Variants in MPP7 observed in about 807,000 individuals in gnomAD.
MPP7 encodes MAGUK p55 subfamily member 7.
In MPP7, 60 loss-of-function variants were observed where a neutral mutation model predicts 76.5. That is an observed-to-expected ratio of 0.78 (90% CI 0.64 to 0.97). The LOEUF (loss-of-function observed/expected upper bound fraction) is 0.97. Ranked by LOEUF, MPP7 falls within the 50% of genes least tolerant of loss-of-function variation. The pLI is 0.00. For synonymous variants in MPP7, 237 were observed against 244.5 expected (o/e 0.97, Z 0.29); for missense variants, 641 against 694.0 (o/e 0.92, Z 0.86).
chr10:28,238,459 A>C (rs1057426714), intron 2 of MPP7, 109 bp downstream of exon 2: 4 of 1,206,464 alleles, frequency 3.3e-6, no homozygotes, highest in African/African-American at 1.5e-5. Context: ...TGTTGGTGAC[A>C]GAAAAACAAG....
chr10:28,292,022 G>A (rs1211065463), intron 1 of MPP7, among the ~76,000 whole-genome samples: 2 of 152,166 alleles, frequency 1.3e-5, no homozygotes, highest in African/African-American at 2.4e-5. Flanking sequence ...CGTGTCCCAT[G>A]CAGGTGGACC....
intron 2 of MPP7, among the ~76,000 whole-genome samples, chr10:28,319,811 A>G (rs1208736154): frequency 6.6e-6 from 1 of 152,010 alleles, no homozygotes; most frequent in Non-Finnish European, 1.5e-5. Context: ...CCCCATCTAT[A>G]CTAAAATACA....
chr10:28,083,257 C>T (rs946515934), intron 12 of MPP7, among the ~76,000 whole-genome samples: 2 of 152,112 alleles, frequency 1.3e-5, no homozygotes, highest in African/African-American at 4.8e-5. Context: ...GTAAGGAATA[C>T]AAAGAAGAAA....
chr10:28,064,425 G>A lies in MPP7; in HGVS notation c.1205-4682C>T, dbSNP rs547674500. ...TCCAAATAATCTATTGTGACAGAAC[G>A]CAGATCAGTGTTGCCTGGGAACAGG... is the stretch of plus-strand genomic sequence containing the variant. On this transcript the variant is annotated intron_variant, in intron 13 of 16. Coordinates refer to ENST00000683449, the MANE Select transcript of MPP7 (RefSeq NM_001318170.2). 6.6e-5 allele frequency among the ~76,000 whole-genome samples: 10 copies of A among 152,292 alleles called. No homozygotes were observed. The East Asian group carries it at 1.2e-3, about 18-fold the overall frequency.
At chr10:28,141,135 A>G (rs1459239502) in intron 5 of MPP7, among the ~76,000 whole-genome samples, 4 of 152,102 alleles carry the variant, frequency 2.6e-5, no homozygotes, top group African/African-American at 4.8e-5. Context: ...CAACTAAAAA[A>G]GTTTCTATGA....
At chr10:28,139,196 G>A (rs946099705) in intron 5 of MPP7, among the ~76,000 whole-genome samples, 11 of 152,240 alleles carry the variant, frequency 7.2e-5, no homozygotes, top group Admixed American at 4.6e-4. Flanking sequence ...TTATTGGGTA[G>A]AAAGAGCATG....
rs563303705 is a variant in MPP7 at position 28,227,846 on chromosome 10, T to C, written c.37+10722A>G. Among the ~76,000 whole-genome samples, 3 of 152,292 alleles carry C rather than the reference T, an allele frequency of 2.0e-5. No homozygotes were observed. The South Asian group carries it at 6.2e-4, about 32-fold the overall frequency. On this transcript the variant is annotated intron_variant, in intron 2 of 16. Transcript: ENST00000683449. ...TTTGGGTATATACCCAGTAATGAGA[T>C]TAGTGGATCAAATGGTATTTCTGGT...
intron 3 of MPP7, among the ~76,000 whole-genome samples, chr10:28,184,039 ATCG>A (rs1347284437): frequency 6.6e-6 from 1 of 151,924 alleles, no homozygotes; most frequent in African/African-American, 2.4e-5. Flanking sequence ...TACTATTATT[ATCG>A]TCATTTTACA....
intron 2 of MPP7, chr10:28,202,843 G>A (rs1837823435): frequency 6.6e-6 from 1 of 151,204 alleles, no homozygotes; most frequent in African/African-American, 2.4e-5. Context: ...AAAAAAAAAA[G>A]CTACGTAGAA....
chr10:28,239,151 A>T (rs200210365), intron 1 of MPP7, among the ~76,000 whole-genome samples: 111 of 146,084 alleles, frequency 7.6e-4, no homozygotes, highest in East Asian at 2.8e-3. Context: ...TTTTATTTTT[A>T]TTTTTTTTTT....
At chr10:28,136,151 G>A (rs1158945392) in intron 5 of MPP7, among the ~76,000 whole-genome samples, 2 of 151,566 alleles carry the variant, frequency 1.3e-5, no homozygotes, top group African/African-American at 4.9e-5. Flanking sequence ...ACCACTACAT[G>A]GGATCATCTA....
chr10:28,082,407 TCTCCTC>T (rs1035814001), intron 12 of MPP7, among the ~76,000 whole-genome samples: 1 of 151,410 alleles, frequency 6.6e-6, no homozygotes, highest in Non-Finnish European at 1.5e-5. Context: ...TTCTTCTCCT[TCTCCTC>T]CTCCTCCTTC....
chr10:28,308,830 C>T (rs1450513327), intron 2 of MPP7, among the ~76,000 whole-genome samples: 1 of 151,814 alleles, frequency 6.6e-6, no homozygotes, highest in Non-Finnish European at 1.5e-5. Context: ...ATTGTCTCTT[C>T]CTGCTTCAGT....
intron 1 of MPP7, among the ~76,000 whole-genome samples, chr10:28,269,417 A>AC: frequency 6.6e-6 from 1 of 152,276 alleles, no homozygotes; most frequent in East Asian, 1.9e-4. Context: ...TTCAGCTATT[A>AC]CCACAAAAGA....
intron 11 of MPP7, among the ~76,000 whole-genome samples, chr10:28,104,688 T>C (rs1853987881): frequency 6.6e-6 from 1 of 152,234 alleles, no homozygotes; most frequent in African/African-American, 2.4e-5. Flanking sequence ...AAGAAGATAC[T>C]TTTATCAGCA....
chr10:28,293,097 A>G (rs1372479576), intron 1 of MPP7, among the ~76,000 whole-genome samples: 2 of 152,146 alleles, frequency 1.3e-5, no homozygotes, highest in Non-Finnish European at 2.9e-5. Context: ...CCGTTTAATG[A>G]AAGATTTCAA....
chr10:28,164,960 A>G (rs959680215), intron 3 of MPP7, among the ~76,000 whole-genome samples: 4 of 152,360 alleles, frequency 2.6e-5, no homozygotes, highest in Non-Finnish European at 5.9e-5. Context: ...AACCTAAATC[A>G]AAACAGAAAC....
intron 11 of MPP7, among the ~76,000 whole-genome samples, chr10:28,102,596 C>T (rs551037023): frequency 6.6e-6 from 1 of 152,290 alleles, no homozygotes; most frequent in South Asian, 2.1e-4. Context: ...AATGGAATCC[C>T]TGAACTTTTC....
At chr10:28,117,374 T>G (rs939157046) in intron 11 of MPP7, among the ~76,000 whole-genome samples, 2 of 152,152 alleles carry the variant, frequency 1.3e-5, no homozygotes, top group Non-Finnish European at 2.9e-5. Flanking sequence ...TATTCTTCCT[T>G]TATAAATTTT....
Sources: gnomAD v4.1 joint callset for allele counts (sites outside exome capture counted in the v4.1 genomes callset) on GRCh38, gnomAD v4.1.1 for gene constraint, MANE v1.5 for transcripts, NCBI Gene and HGNC (gene_info 2026-07-23, HGNC 2026-07-21) for gene names.